Variants in HSPG2 observed in about 807,000 individuals in gnomAD.
HSPG2 encodes the protein heparan sulfate proteoglycan 2.
HSPG2 carries 278 observed loss-of-function variants against 526.6 expected under a neutral mutation model. The observed-to-expected ratio is 0.53, with a 90% CI of 0.48 to 0.58. The LOEUF (loss-of-function observed/expected upper bound fraction) is 0.58, where lower values mean the gene tolerates loss of function less well. HSPG2 is among the 20% of genes least tolerant of loss of function. The pLI is 0.00. For synonymous variants in HSPG2, 2,465 were observed against 2,555.4 expected (o/e 0.96, Z 1.07); for missense variants, 5,354 against 6,099.5 (o/e 0.88, Z 4.07).
At chr1:21,888,521 G>T in intron 6 of HSPG2, 1 of 424,552 alleles carries the variant, frequency 2.4e-6, no homozygotes, top group Non-Finnish European at 4.0e-6. Flanking sequence ...GCCCAAGCTG[G>T]TCTCGAACTC....
chr1:21,920,364 G>T (rs919340785), intron 1 of HSPG2, among the ~76,000 whole-genome samples: 1 of 152,038 alleles, frequency 6.6e-6, no homozygotes, highest in Non-Finnish European at 1.5e-5. Flanking sequence ...CACCCGCCTC[G>T]AGTAGCAGCC....
At chr1:21,931,106 G>T (rs187259190) in intron 1 of HSPG2, among the ~76,000 whole-genome samples, 2 of 152,308 alleles carry the variant, frequency 1.3e-5, no homozygotes, top group African/African-American at 4.8e-5. Context: ...GAGTGGTTCT[G>T]GGGGCAGCAA....
rs907421807 is a variant in HSPG2 at position 21,904,544 on chromosome 1, C to A, written c.64-8234G>T. On this transcript the variant is annotated intron_variant, in intron 1 of 96. Transcript: ENST00000374695. The surrounding 1 kb of genome is among the most constrained non-coding windows in gnomAD (Gnocchi z 4.4). ...CCCCTGTACCCCCAGAGTCCCTGCA[C>A]TCTCCTCCGTCCCCCACAGACACCC... Among the ~76,000 whole-genome samples the A allele has an allele frequency of 2.0e-5, 3 of 152,186 alleles. No individual in the cohort carries two copies. The highest frequency in any genetic ancestry group is 4.4e-5 in the Non-Finnish European group (3 of 68,028).
Position 21,876,423 on chromosome 1 carries a change from G to C in HSPG2, c.2827-18C>G, listed in dbSNP as rs1557766205. On this transcript the variant is annotated intron_variant, in intron 22 of 96. Transcript: ENST00000374695. ...CCATGCAACTGGGAGGAGGAGAAAG[G>C]GCTGGGATGGGGGCCGTGGCCTGGG... is the stretch of plus-strand genomic sequence containing the variant. The C allele has an allele frequency of 1.9e-6, 3 of 1,610,452 alleles. No homozygotes were observed. In the East Asian group the frequency reaches 6.7e-5, roughly 36 times the overall value.
chr1:21,906,619 G>A (rs1422480202), intron 1 of HSPG2, among the ~76,000 whole-genome samples: 2 of 151,966 alleles, frequency 1.3e-5, no homozygotes, highest in African/African-American at 2.4e-5. Context: ...AGAAACTCTC[G>A]GATGGGAATA....
At chr1:21,917,602 T>C (rs932665582) in intron 1 of HSPG2, among the ~76,000 whole-genome samples, 4 of 152,172 alleles carry the variant, frequency 2.6e-5, no homozygotes, top group Non-Finnish European at 1.5e-5. Flanking sequence ...TCTCCACCCA[T>C]CAGCCCCCTG....
Position 21,828,248 on chromosome 1 carries a change from T to C in HSPG2, c.12409+7A>G. 6.2e-7 allele frequency: 1 copy of C among 1,613,440 alleles called. No homozygotes were observed. Among genetic ancestry groups the C allele is most frequent in the Non-Finnish European group, 8.5e-7 (1 of 1,180,008 alleles). ...TCCCCTCCGGTGCCCTGGGCAGGCT[T>C]TCCCACCTTTGAATCCATCTCGACA... is the stretch of plus-strand genomic sequence containing the variant. On this transcript the variant is annotated splice_region_variant and intron_variant, in intron 89 of 96. Coordinates refer to ENST00000374695, the MANE Select transcript of HSPG2 (RefSeq NM_005529.7). This position sits in a 1 kb window ranked among gnomAD's most constrained non-coding sequence, Gnocchi z 6.0.
rs75434933 is a variant in HSPG2 at position 21,925,506 on chromosome 1, T to C, written c.63+11649A>G. On this transcript the variant is annotated intron_variant, in intron 1 of 96. Coordinates refer to ENST00000374695, the MANE Select transcript of HSPG2 (RefSeq NM_005529.7). ...AAAACCTGCAGGCCCCACAGGGAGC[T>C]TGGGACCTGACTGAGAAGAATCAGG... 5.6e-3 allele frequency among the ~76,000 whole-genome samples: 854 copies of C among 152,258 alleles called. 11 individuals are homozygous for C. The highest frequency in any genetic ancestry group is 0.02 in the African/African-American group (819 of 41,562).
At chr1:21,894,749 G>C (rs1642623553) in intron 3 of HSPG2, among the ~76,000 whole-genome samples, 1 of 152,170 alleles carries the variant, frequency 6.6e-6, no homozygotes, top group African/African-American at 2.4e-5. Context: ...GGCAAGCCTG[G>C]CTTGGCCAGA....
chr1:21,888,419 A>G (rs1642103701), intron 6 of HSPG2, among the ~76,000 whole-genome samples: 1 of 152,252 alleles, frequency 6.6e-6, no homozygotes, highest in African/African-American at 2.4e-5. Context: ...CCAGCCAGCC[A>G]TCTTGCCCAC....
In HSPG2 at chr1:21,848,387, C is replaced by T. The variant is rs566196133; in HGVS notation, c.7737+256G>A. Among the ~76,000 whole-genome samples, 30 of 152,332 alleles carry T rather than the reference C, an allele frequency of 2.0e-4. No individual in the cohort carries two copies. In the East Asian group the frequency reaches 5.8e-3, roughly 29 times the overall value. On this transcript the variant is annotated intron_variant, in intron 59 of 96. Transcript: ENST00000374695. This position sits in a 1 kb window ranked among gnomAD's most constrained non-coding sequence, Gnocchi z 4.9. ...AGAGCAGGCAACTGTCTCATTCCAT[C>T]TGGAATCTTCAGTGTCAGGCACAGG... is the stretch of plus-strand genomic sequence containing the variant.
intron 1 of HSPG2, among the ~76,000 whole-genome samples, chr1:21,936,407 C>T (rs979865947): frequency 6.6e-6 from 1 of 152,218 alleles, no homozygotes; most frequent in Non-Finnish European, 1.5e-5. Context: ...TCGGGTCCCC[C>T]AAGGGTGCAC....
intron 1 of HSPG2, among the ~76,000 whole-genome samples, chr1:21,912,797 C>T (rs540266818): frequency 7.9e-5 from 12 of 152,020 alleles, no homozygotes; most frequent in Non-Finnish European, 1.8e-4. Context: ...CTGGCCAACA[C>T]GGTGAAACCT....
Position 21,887,394 on chromosome 1 carries a change from C to T in HSPG2, c.958+26G>A, listed in dbSNP as rs1361607726. ...CGGGCCAGCTTCCTGCTCCCCGCAC[C>T]CACCTGCACCCCTGCCGGTGCGCAC... On this transcript the variant is annotated intron_variant, in intron 8 of 96. Coordinates refer to ENST00000374695, the MANE Select transcript of HSPG2 (RefSeq NM_005529.7). This position sits in a 1 kb window ranked among gnomAD's most constrained non-coding sequence, Gnocchi z 5.0. The T allele has an allele frequency of 1.2e-6, 2 of 1,613,960 alleles. No individual in the cohort carries two copies. The highest frequency in any genetic ancestry group is 8.5e-7 in the Non-Finnish European group (1 of 1,179,936).
chr1:21,849,881 T>C (rs1270856069), intron 57 of HSPG2, among the ~76,000 whole-genome samples, 160 bp downstream of exon 57: 1 of 152,166 alleles, frequency 6.6e-6, no homozygotes, highest in East Asian at 1.9e-4. Flanking sequence ...GGTTTCATTA[T>C]GTTGGTCAGG....
chr1:21,854,184 GCTC>G lies in HSPG2; in HGVS notation c.6439+6_6439+8del. The G allele has an allele frequency of 1.3e-6, 2 of 1,575,056 alleles. No homozygotes were observed. Among genetic ancestry groups the G allele is most frequent in the Non-Finnish European group, 1.7e-6 (2 of 1,158,194 alleles). The stretch of plus-strand genomic sequence containing the variant: ...CTCAGCCCCGGCCCAGCCACACCTG[GCTC>G]CTCACCTGGGGTGTAGCTGGGGCCA... On this transcript the variant is annotated splice_donor_region_variant and intron_variant, in intron 50 of 96. Coordinates refer to ENST00000374695, the MANE Select transcript of HSPG2 (RefSeq NM_005529.7).
chr1:21,843,452 G>C lies in HSPG2; in HGVS notation c.8617-14C>G, dbSNP rs527248575. On this transcript the variant is annotated splice_polypyrimidine_tract_variant and intron_variant, in intron 65 of 96. Coordinates refer to ENST00000374695, the MANE Select transcript of HSPG2 (RefSeq NM_005529.7). ...TGGGCCGTGGACCTGGCCAAGGTGG[G>C]GTGAGAGCGGGGAGGGTGAGCTGGG... The C allele has an allele frequency of 6.2e-7, 1 of 1,607,450 alleles. No homozygotes were observed. The highest frequency in any genetic ancestry group is 1.7e-5 in the Admixed American group (1 of 59,466).
chr1:21,891,063 C>A (rs1167013199), intron 3 of HSPG2, among the ~76,000 whole-genome samples: 2 of 152,190 alleles, frequency 1.3e-5, no homozygotes, highest in Admixed American at 6.5e-5. Context: ...GCTCTGCCAG[C>A]CTTCCTCGGT....
At position 21,885,163 on chromosome 1, in the gene HSPG2, G is replaced by A. The variant is rs1262494244; in HGVS notation, c.1211-6C>T. 1 of 1,607,162 alleles carries A rather than the reference G, an allele frequency of 6.2e-7. No homozygotes were observed. Among genetic ancestry groups the A allele is most frequent in the East Asian group, 2.2e-5 (1 of 44,748 alleles). ...TGTCACCACCTGGGGGGGCACTGAGGAGACCAGGGCAGGAGTGAGGGGTCG... is the reference window on the plus strand; with the variant it reads ...TGTCACCACCTGGGGGGGCACTGAGAAGACCAGGGCAGGAGTGAGGGGTCG... On this transcript the variant is annotated splice_region_variant and splice_polypyrimidine_tract_variant and intron_variant, in intron 10 of 96. Transcript: ENST00000374695.
Sources: allele counts gnomAD v4.1 joint callset (sites outside exome capture counted in the v4.1 genomes callset), GRCh38; gene constraint gnomAD v4.1.1; non-coding constraint Gnocchi (gnomAD v3.1); transcripts MANE v1.5; gene names NCBI Gene and HGNC (gene_info 2026-07-23, HGNC 2026-07-21).